Variants in PIK3C2G observed in about 807,000 individuals in gnomAD.
PIK3C2G encodes phosphatidylinositol 3-kinase C2 domain-containing subunit gamma.
PIK3C2G carries 168 observed loss-of-function variants against 181.1 expected under a neutral mutation model. That is an observed-to-expected ratio of 0.93 (90% confidence interval 0.82 to 1.05). PIK3C2G has a LOEUF of 1.05. PIK3C2G is among the 50% of genes least tolerant of loss of function. The probability of loss-of-function intolerance (pLI) is 0.00; values close to 1 mark genes in which losing one functional copy is unlikely to be tolerated. For missense variants in PIK3C2G, 1,869 were observed against 1,732.8 expected (o/e 1.08, Z -1.40); for synonymous variants, 573 against 592.2 (o/e 0.97, Z 0.47).
At chr12:18,454,371 G>A (rs1000049302) in intron 18 of PIK3C2G, among the ~76,000 whole-genome samples, 3 of 152,140 alleles carry the variant, frequency 2.0e-5, no homozygotes, top group African/African-American at 7.2e-5. Context: ...CTGGAGTAAA[G>A]ATATTTGAGG....
intron 25 of PIK3C2G, among the ~76,000 whole-genome samples, chr12:18,542,414 C>T (rs147011956): frequency 6.6e-6 from 1 of 151,836 alleles, no homozygotes; most frequent in East Asian, 1.9e-4. Context: ...TTATTTTAAA[C>T]TTTTATTTTA....
At chr12:18,626,834 TAATAG>T (rs1949121325) in intron 31 of PIK3C2G, among the ~76,000 whole-genome samples, 1 of 152,048 alleles carries the variant, frequency 6.6e-6, no homozygotes, top group Non-Finnish European at 1.5e-5. Context: ...TTGATTTTTT[TAATAG>T]TTTGATTCTT....
the PIK3C2G span, among the ~76,000 whole-genome samples, chr12:18,717,463 TATCTAATC>T: frequency 6.6e-6 from 1 of 152,218 alleles, no homozygotes; most frequent in African/African-American, 2.4e-5. Flanking sequence ...TAAGTAATGC[TATCTAATC>T]ATTTGGTTTT....
chr12:18,491,315 G>GCATGATACACCTGCCTGAATACATCA, intron 19 of PIK3C2G, 136 bp from the exon 20 acceptor site: 2 of 587,480 alleles, frequency 3.4e-6, no homozygotes. Context: ...TACATCACCT[G>GCATGATACACCTGCCTGAATACATCA]CCTGACCCCA....
Position 18,302,230 on chromosome 12 carries a change from G to A in PIK3C2G, c.1034+8215G>A, listed in dbSNP as rs149161327. 2.8e-3 allele frequency among the ~76,000 whole-genome samples: 433 copies of A among 152,280 alleles called. 2 individuals are homozygous for A. Among genetic ancestry groups the A allele is most frequent in the African/African-American group, 1.0e-2 (415 of 41,548 alleles). On this transcript the variant is annotated intron_variant, in intron 5 of 32. Transcript: ENST00000538779. ...GTGCCAGCAGTGGCAGCAGAGGGCC[G>A]AGTGGATAGGCAGGTTTTGGGGCCC...
intron 26 of PIK3C2G, among the ~76,000 whole-genome samples, chr12:18,560,182 A>G (rs1187205046): frequency 6.6e-6 from 1 of 152,126 alleles, no homozygotes; most frequent in East Asian, 1.9e-4. Context: ...GGAAAGCCCC[A>G]GACCGTAAAA....
chr12:18,291,456 G>A (rs948596940), intron 4 of PIK3C2G, among the ~76,000 whole-genome samples: 2 of 152,080 alleles, frequency 1.3e-5, no homozygotes, highest in Admixed American at 1.3e-4. Flanking sequence ...CTAGTAGCAT[G>A]GTATAACATA....
intron 18 of PIK3C2G, among the ~76,000 whole-genome samples, chr12:18,437,533 A>C (rs745462850): frequency 6.6e-6 from 1 of 151,992 alleles, no homozygotes; most frequent in Non-Finnish European, 1.5e-5. Flanking sequence ...AGAATGTCAG[A>C]TAATTGGGTT....
At chr12:18,620,859 T>C (rs190891933) in intron 31 of PIK3C2G, among the ~76,000 whole-genome samples, 1 of 152,200 alleles carries the variant, frequency 6.6e-6, no homozygotes, top group Admixed American at 6.5e-5. Context: ...CATTCTCAGG[T>C]TATTGACACG....
At chr12:18,304,172 T>C (rs1443243424) in intron 5 of PIK3C2G, among the ~76,000 whole-genome samples, 1 of 152,190 alleles carries the variant, frequency 6.6e-6, no homozygotes, top group African/African-American at 2.4e-5. Flanking sequence ...ATTAAATCCT[T>C]TTAATTAAAA....
chr12:18,645,870 C>T (rs1265001522), intron 32 of PIK3C2G, among the ~76,000 whole-genome samples: 2 of 152,178 alleles, frequency 1.3e-5, no homozygotes, highest in Non-Finnish European at 1.5e-5. Context: ...CTTAGCCAGA[C>T]TTCCCCATTT....
the PIK3C2G span, chr12:18,696,233 A>G: frequency 6.3e-7 from 1 of 1,596,702 alleles, no homozygotes; most frequent in Non-Finnish European, 8.6e-7. Context: ...TATTCTGGTA[A>G]TGAACTTCCT....
intron 30 of PIK3C2G, among the ~76,000 whole-genome samples, chr12:18,603,166 A>G (rs1327195946): frequency 6.6e-6 from 1 of 152,170 alleles, no homozygotes; most frequent in Non-Finnish European, 1.5e-5. Flanking sequence ...GGAAATAGAT[A>G]TCTTAAAAAA....
At chr12:18,351,317 C>A (rs184856610) in intron 11 of PIK3C2G, among the ~76,000 whole-genome samples, 2 of 151,984 alleles carry the variant, frequency 1.3e-5, no homozygotes, top group South Asian at 4.1e-4. Context: ...ACATAAAAGA[C>A]TAAAAATTAA....
rs148047129 is a variant in PIK3C2G, at chr12:18,508,171, C to T, written c.3323+2710C>T. Reference sequence around the variant, plus strand: ...CCAGCTAAGGAGGCCAACTGCAGCTCCATGAGCCATATGGATTATTGTTTC... The same window carrying T: ...CCAGCTAAGGAGGCCAACTGCAGCTTCATGAGCCATATGGATTATTGTTTC... On this transcript the variant is annotated intron_variant, in intron 24 of 32. Transcript: ENST00000538779. Among the ~76,000 whole-genome samples, 956 of 152,316 alleles carry T rather than the reference C, an allele frequency of 6.3e-3. 5 individuals are homozygous for T. Among genetic ancestry groups the T allele is most frequent in the African/African-American group, 0.022 (905 of 41,580 alleles).
At chr12:18,400,219 G>A (rs549230367) in intron 16 of PIK3C2G, among the ~76,000 whole-genome samples, 1 of 152,152 alleles carries the variant, frequency 6.6e-6, no homozygotes, top group African/African-American at 2.4e-5. Flanking sequence ...TTAGCAAAAT[G>A]CCCTGTGTAA....
chr12:18,642,089 A>T (rs1452159469), intron 32 of PIK3C2G, among the ~76,000 whole-genome samples: 1 of 152,012 alleles, frequency 6.6e-6, no homozygotes, highest in Non-Finnish European at 1.5e-5. Flanking sequence ...GCTCCATCTG[A>T]ATGTCTCATA....
intron 30 of PIK3C2G, among the ~76,000 whole-genome samples, chr12:18,595,223 A>G (rs1465349704): frequency 6.6e-6 from 1 of 152,090 alleles, no homozygotes; most frequent in Non-Finnish European, 1.5e-5. Flanking sequence ...ATGTTTTTGA[A>G]TTCTTAATTC....
At chr12:18,522,788 T>G (rs1468920581) in intron 24 of PIK3C2G, among the ~76,000 whole-genome samples, 1 of 152,106 alleles carries the variant, frequency 6.6e-6, no homozygotes, top group Non-Finnish European at 1.5e-5. Flanking sequence ...TCCTCAGATT[T>G]GAGACATTTT....
Sources: gnomAD v4.1 joint callset for allele counts (sites outside exome capture counted in the v4.1 genomes callset) on GRCh38, gnomAD v4.1.1 for gene constraint, MANE v1.5 for transcripts, NCBI Gene and HGNC (gene_info 2026-07-23, HGNC 2026-07-21) for gene names.